Variants in RPS6KA2 observed in about 807,000 individuals in gnomAD.
RPS6KA2 encodes the protein ribosomal protein S6 kinase alpha-2.
RPS6KA2 carries 42 observed loss-of-function variants against 91.8 expected under a neutral mutation model. That is an observed-to-expected ratio of 0.46 (90% CI 0.36 to 0.59). RPS6KA2 has a LOEUF of 0.59. RPS6KA2 is among the 20% of genes least tolerant of loss of function. The pLI is 0.00. For missense variants in RPS6KA2, 798 were observed against 978.5 expected (o/e 0.82, Z 2.46); for synonymous variants, 414 against 393.6 (o/e 1.05, Z -0.61).
Position 166,661,923 on chromosome 6 carries a change from T to C in RPS6KA2, c.124-123139A>G, listed in dbSNP as rs373198276. ...ATAGCCAACTTTCCCACATGTTGTA[T>C]TGAATCGTACATATCTCTCCCTTTA... On this transcript the variant is annotated intron_variant, in intron 2 of 21. Transcript: ENST00000503859. Among the ~76,000 whole-genome samples, 7 of 152,354 alleles carry C rather than the reference T, an allele frequency of 4.6e-5. No homozygotes were observed. The East Asian group carries it at 7.7e-4, about 17-fold the overall frequency.
In RPS6KA2 at chr6:166,656,006, T is replaced by A. The variant is rs536877534; in HGVS notation, c.124-117222A>T. ...ACAGGCGCCCTGCGGTAGATACACG[T>A]GGCAGAACACTACACAACAGTGAGC... On this transcript the variant is annotated intron_variant, in intron 2 of 21. Coordinates refer to the RPS6KA2 transcript ENST00000503859. Among the ~76,000 whole-genome samples the A allele has an allele frequency of 2.8e-4, 42 of 152,332 alleles. 1 individual carries two copies. In the South Asian group the frequency reaches 8.3e-3, roughly 30 times the overall value.
chr6:166,675,160 AG>A (rs1788582795), intron 2 of RPS6KA2, among the ~76,000 whole-genome samples: 1 of 152,140 alleles, frequency 6.6e-6, no homozygotes, highest in Non-Finnish European at 1.5e-5. Flanking sequence ...CAGCAAGCGG[AG>A]GGCACTCACA....
intron 11 of RPS6KA2, among the ~76,000 whole-genome samples, chr6:166,469,062 C>G (rs1182793100): frequency 6.6e-6 from 1 of 152,200 alleles, no homozygotes; most frequent in Non-Finnish European, 1.5e-5. Context: ...AAGGAGGTAT[C>G]GCCTTCCTCA....
chr6:166,496,195 C>CA (rs551954693), intron 8 of RPS6KA2, among the ~76,000 whole-genome samples: 19 of 151,010 alleles, frequency 1.3e-4, no homozygotes, highest in African/African-American at 4.9e-5. Context: ...TACTAAAATG[C>CA]AAAAAAAATT....
chr6:166,853,463 T>C (rs572288581), intron 2 of RPS6KA2, among the ~76,000 whole-genome samples: 9 of 152,314 alleles, frequency 5.9e-5, no homozygotes, highest in African/African-American at 2.2e-4. Context: ...CTCTGTGCCG[T>C]GGAAGTGGAC....
intron 13 of RPS6KA2, 37 bp downstream of exon 13, chr6:166,451,066 C>G (rs1279046534): frequency 6.2e-7 from 1 of 1,612,306 alleles, no homozygotes; most frequent in Admixed American, 1.7e-5. Context: ...TCCAAGTGCC[C>G]TCTTACCCCC....
chr6:166,517,479 T>TTTTTTTTTTTTTTTTC (rs1782695529), intron 3 of RPS6KA2, among the ~76,000 whole-genome samples: 1 of 138,196 alleles, frequency 7.2e-6, no homozygotes, highest in African/African-American at 2.8e-5. Context: ...TTTTTTTTTT[T>TTTTTTTTTTTTTTTTC]TTTTTTTGAG....
At position 166,538,796 on chromosome 6, in the gene RPS6KA2, C is replaced by T. The variant is rs184133245; in HGVS notation, c.100-12G>A. The T allele has an allele frequency of 2.3e-4, 342 of 1,456,458 alleles. 2 individuals are homozygous for T. The African/African-American group carries it at 3.9e-3, about 17-fold the overall frequency. The allele number at this position is 1,456,458 out of a possible 1,614,324, so 90.2% of individuals were successfully genotyped here. On this transcript the variant is annotated splice_polypyrimidine_tract_variant and intron_variant, in intron 1 of 20. Transcript: ENST00000265678. ...ACGACGCCTTCTTCCTGCAAGAGAGCGGCACGGGTGAGAAACACACCGCGA... is the reference window on the plus strand; with the variant it reads ...ACGACGCCTTCTTCCTGCAAGAGAGTGGCACGGGTGAGAAACACACCGCGA...
chr6:166,742,391 G>T (rs1459437214), intron 2 of RPS6KA2, among the ~76,000 whole-genome samples: 15 of 152,074 alleles, frequency 9.9e-5, no homozygotes, highest in Non-Finnish European at 2.9e-5. Flanking sequence ...TCTCCGGTGT[G>T]GGTCTCAGAG....
At chr6:166,652,417 C>T (rs182475181) in intron 2 of RPS6KA2, among the ~76,000 whole-genome samples, 8 of 152,204 alleles carry the variant, frequency 5.3e-5, no homozygotes, top group Admixed American at 3.9e-4. Context: ...GTTTTCCTTG[C>T]GATGTTTCCC....
intron 12 of RPS6KA2, among the ~76,000 whole-genome samples, chr6:166,452,639 A>G (rs1755218049): frequency 5.3e-5 from 8 of 152,188 alleles, no homozygotes; most frequent in Admixed American, 5.2e-4. Flanking sequence ...ACACAGATTA[A>G]CGGAACAGAA....
intron 1 of RPS6KA2, among the ~76,000 whole-genome samples, chr6:166,604,102 G>A (rs930028927): frequency 9.2e-5 from 14 of 152,182 alleles, no homozygotes; most frequent in African/African-American, 3.4e-4. Context: ...TCCAGAGAAG[G>A]TGCCTCTGCC....
At chr6:166,775,875 G>A (rs1054965669) in intron 2 of RPS6KA2, among the ~76,000 whole-genome samples, 6 of 152,256 alleles carry the variant, frequency 3.9e-5, no homozygotes, top group Non-Finnish European at 8.8e-5. Context: ...GCACAGAGAG[G>A]ACTACACAAC....
intron 1 of RPS6KA2, among the ~76,000 whole-genome samples, chr6:166,565,663 C>G (rs1224033953): frequency 6.6e-6 from 1 of 152,226 alleles, no homozygotes; most frequent in Non-Finnish European, 1.5e-5. Context: ...CGGTCTTGGA[C>G]ACCGGGGGCC....
chr6:166,838,922 G>A (rs934967530), intron 2 of RPS6KA2, among the ~76,000 whole-genome samples: 8 of 152,168 alleles, frequency 5.3e-5, no homozygotes, highest in African/African-American at 1.9e-4. Context: ...GTCAGAGGAC[G>A]AGATGTGGCC....
At chr6:166,475,594 A>C (rs1780943260) in intron 10 of RPS6KA2, 1 of 301,844 alleles carries the variant, frequency 3.3e-6, no homozygotes, top group African/African-American at 2.2e-5. Context: ...CAGTGGCCCC[A>C]AACCAGTGGC....
chr6:166,441,498 G>A (rs1228372875), intron 14 of RPS6KA2, among the ~76,000 whole-genome samples: 2 of 152,220 alleles, frequency 1.3e-5, no homozygotes, highest in Admixed American at 1.3e-4. Flanking sequence ...TCCCCAAGAC[G>A]GGTGCAGCTA....
intron 2 of RPS6KA2, among the ~76,000 whole-genome samples, chr6:166,680,009 T>C (rs1412864498): frequency 6.6e-6 from 1 of 152,236 alleles, no homozygotes; most frequent in African/African-American, 2.4e-5. Flanking sequence ...AATTTTTCTG[T>C]CTAGCTAAAG....
chr6:166,544,780 T>A (rs1449658381), intron 1 of RPS6KA2: 1 of 152,226 alleles, frequency 6.6e-6, no homozygotes, highest in Admixed American at 6.5e-5. Flanking sequence ...CTTTTGCTGG[T>A]GTGAGCAAAT....
Sources: allele counts gnomAD v4.1 joint callset (sites outside exome capture counted in the v4.1 genomes callset), GRCh38; gene constraint gnomAD v4.1.1; transcripts MANE v1.5; gene names NCBI Gene and HGNC (gene_info 2026-07-23, HGNC 2026-07-21).